Variants in TARS2 observed in about 807,000 individuals in gnomAD.
TARS2 encodes the protein threonine--tRNA ligase, mitochondrial.
TARS2 carries 61 observed loss-of-function variants against 94.4 expected under a neutral mutation model. The observed-to-expected ratio is 0.65, with a 90% CI of 0.53 to 0.80. TARS2 has a LOEUF of 0.80. Ranked by LOEUF, TARS2 falls within the 30% of genes least tolerant of loss-of-function variation. The pLI, the probability that TARS2 is intolerant of heterozygous loss-of-function variation, is 0.00. For synonymous variants in TARS2, 359 were observed against 353.4 expected, an observed-to-expected ratio of 1.02 and a Z score of -0.18; for missense variants, 704 against 902.5, an observed-to-expected ratio of 0.78 and a Z score of 2.82.
intron 14 of TARS2, 23 bp from the exon 15 acceptor site, chr1:150,504,609 A>ACCC (rs397690784): frequency 1.9e-6 from 3 of 1,582,890 alleles, no homozygotes; most frequent in Non-Finnish European, 2.6e-6. Flanking sequence ...CATTCCATCC[A>ACCC]CCCCCCCCTT....
At position 150,507,214 on chromosome 1, in the gene TARS2, G is replaced by A. The variant is rs930813108; in HGVS notation, c.*150G>A. On this transcript the variant is annotated 3_prime_UTR_variant, in exon 18 of 18. Transcript: ENST00000369064. ...CTCTCCTGAAAAGAGACTTGGTTTGGGGACCCCACAAAAGGAGGGAAGCTG... is the reference window on the plus strand; with the variant it reads ...CTCTCCTGAAAAGAGACTTGGTTTGAGGACCCCACAAAAGGAGGGAAGCTG... 18 of 1,081,274 alleles carry A rather than the reference G, an allele frequency of 1.7e-5. 1 individual carries two copies. The Admixed American group carries it at 4.9e-4, about 29-fold the overall frequency. 67.0% of individuals were successfully genotyped at this position (1,081,274 alleles called of 1,614,324 possible).
rs1004059524 is a variant in TARS2, at chr1:150,501,355, C to T, written c.1617+2062C>T. ...TTTATTGAGACTATGTCTCGCTCTG[C>T]TGCCCAGGCTGGAGTGCAGTGGCTC... On this transcript the variant is annotated intron_variant, in intron 13 of 17. Transcript: ENST00000369064. Among the ~76,000 whole-genome samples, 10 of 119,614 alleles carry T rather than the reference C, an allele frequency of 8.4e-5. 1 individual carries two copies. The highest frequency in any genetic ancestry group is 3.2e-4 in the African/African-American group (10 of 30,874). 78.5% of individuals were successfully genotyped at this position (119,614 alleles called of 152,430 possible). A position where few individuals can be genotyped will look rare whatever the true frequency, so the allele number is the denominator to read the frequency against.
At chr1:150,491,772 AGAAAT>A (rs1669396221) in intron 6 of TARS2, 110 bp downstream of exon 6, 3 of 1,201,742 alleles carry the variant, frequency 2.5e-6, no homozygotes, top group African/African-American at 3.1e-5. Context: ...CTCCAGAAAA[AGAAAT>A]GGGAATGGGA....
intron 12 of TARS2, 52 bp from the exon 13 acceptor site, chr1:150,499,164 T>C: frequency 1.2e-6 from 2 of 1,611,758 alleles, no homozygotes; most frequent in South Asian, 2.2e-5. Context: ...CCGGATGTGT[T>C]GCTTTTGAAG....
chr1:150,489,618 G>A (rs1349675932), intron 3 of TARS2, among the ~76,000 whole-genome samples: 1 of 152,124 alleles, frequency 6.6e-6, no homozygotes, highest in African/African-American at 2.4e-5. Context: ...AGACCAAACA[G>A]AGACCTAAGT....
rs183240493 is a variant in TARS2, at chr1:150,495,159, G to A, written c.775-1323G>A. On this transcript the variant is annotated intron_variant, in intron 7 of 17. Coordinates refer to ENST00000369064, the MANE Select transcript of TARS2 (RefSeq NM_025150.5). The stretch of plus-strand genomic sequence containing the variant: ...CACGCCACTGCACTCCAGCCTGGGC[G>A]ACAGCGAGACTCCGTCTCAAAAAAA... 4.3e-3 allele frequency among the ~76,000 whole-genome samples: 648 copies of A among 149,996 alleles called. 5 individuals are homozygous for A. Among genetic ancestry groups the A allele is most frequent in the African/African-American group, 0.015 (607 of 40,750 alleles).
rs779437609 is a variant in TARS2 at position 150,497,631 on chromosome 1, CAT to C, written c.1123_1124del (p.Met375ValfsTer9). ...GGCACTGGGAGCATTATCAGGAAGACATGTTTGCCGTGCAGCCCCCAGGCTCT... is the reference window on the plus strand; with the variant it reads ...GGCACTGGGAGCATTATCAGGAAGACGTTTGCCGTGCAGCCCCCAGGCTCT... ...SGHWEHYQED[M>X]FAVQPPGSDR... is the part of the protein sequence containing the mutation. On this transcript the variant is annotated frameshift_variant, in exon 10 of 18. Transcript: ENST00000369064. LOFTEE classifies it high-confidence loss of function. 1.2e-6 allele frequency: 2 copies of C among 1,614,170 alleles called. No homozygotes were observed. The highest frequency in any genetic ancestry group is 4.5e-5 in the East Asian group (2 of 44,884).
intron 7 of TARS2, 43 bp downstream of exon 7, chr1:150,492,532 C>A: frequency 6.2e-7 from 1 of 1,600,470 alleles, no homozygotes; most frequent in South Asian, 1.1e-5. Flanking sequence ...CTATTTTGAG[C>A]CGGGCATGGT....
chr1:150,487,813 GAAT>G (rs774879071), intron 1 of TARS2, 42 bp from the exon 2 acceptor site: 27 of 1,584,598 alleles, frequency 1.7e-5, no homozygotes, highest in African/African-American at 2.7e-5. Context: ...TTCTAAGAAA[GAAT>G]GATGGGACGT....
rs1560250612 is a variant in TARS2 at position 150,496,891 on chromosome 1, C to T, written c.1003C>T (p.Leu335=). Reference sequence around the variant, plus strand: ...ACGAGGGACAAGGGTGTATAATGCACTAGTGGCGTTTATCAGGGTAAGGGG... The same window carrying T: ...ACGAGGGACAAGGGTGTATAATGCATTAGTGGCGTTTATCAGGGTAAGGGG... ...LPRGTRVYNA[L]VAFIRAEYAH... is the part of the protein sequence containing the mutation. Residue 335 remains leucine, a synonymous_variant, in exon 9 of 18, where the codon CTA becomes TTA. Transcript: ENST00000369064. 1 of 1,613,996 alleles carries T rather than the reference C, an allele frequency of 6.2e-7. No homozygotes were observed. Among genetic ancestry groups the T allele is most frequent in the Non-Finnish European group, 8.5e-7 (1 of 1,180,000 alleles).
intron 3 of TARS2, 166 bp downstream of exon 3, chr1:150,489,253 A>G: frequency 1.0e-6 from 1 of 991,526 alleles, no homozygotes; most frequent in Non-Finnish European, 1.5e-6. Context: ...TTATGGTGAA[A>G]GTTTTTAACT....
At chr1:150,504,487 CCTT>C (rs1223179668) in intron 14 of TARS2, 52 bp downstream of exon 14, 1 of 1,597,742 alleles carries the variant, frequency 6.3e-7, no homozygotes, top group East Asian at 2.2e-5. Flanking sequence ...TGGAATAAGT[CCTT>C]CTGCCTTTGG....
intron 1 of TARS2, 68 bp from the exon 2 acceptor site, chr1:150,487,790 C>A: frequency 6.4e-7 from 1 of 1,561,326 alleles, no homozygotes; most frequent in Non-Finnish European, 8.7e-7. Flanking sequence ...TCCCAAAGTG[C>A]CATCATCTGC....
intron 3 of TARS2, among the ~76,000 whole-genome samples, chr1:150,489,921 G>A (rs587644472): frequency 2.6e-5 from 4 of 152,098 alleles, no homozygotes; most frequent in Admixed American, 1.3e-4. Flanking sequence ...TAGCCTGGGC[G>A]ACAGAGCGAG....
intron 16 of TARS2, 50 bp downstream of exon 16, chr1:150,505,028 C>A: frequency 2.5e-6 from 4 of 1,593,820 alleles, no homozygotes; most frequent in Non-Finnish European, 3.4e-6. Context: ...AGTAGAGAGT[C>A]TGGTGCCCTG....
Position 150,489,039 on chromosome 1 carries a change from A to C in TARS2, c.339A>C (p.Thr113=). 1.2e-6 allele frequency: 2 copies of C among 1,614,238 alleles called. No homozygotes were observed. Among genetic ancestry groups the C allele is most frequent in the Non-Finnish European group, 1.7e-6 (2 of 1,180,042 alleles). The change falls in exon 3 of 18, where the codon ACA becomes ACC. Residue 113 remains threonine (T), a synonymous_variant. Coordinates refer to ENST00000369064, the MANE Select transcript of TARS2 (RefSeq NM_025150.5). ...EPYDLERPLE[T]DSDLRFLTFD... is the part of the protein sequence containing the mutation. The stretch of plus-strand genomic sequence containing the variant: ...ATGATCTGGAGCGGCCCTTGGAGAC[A>C]GATTCTGACCTCAGATTTCTGACAT...
At chr1:150,505,826 G>A in intron 17 of TARS2, 121 bp downstream of exon 17, 2 of 898,518 alleles carry the variant, frequency 2.2e-6, no homozygotes, top group Non-Finnish European at 3.4e-6. Flanking sequence ...GCAGGTAGGA[G>A]CCAGGATTCA....
intron 17 of TARS2, among the ~76,000 whole-genome samples, chr1:150,506,288 G>C (rs1670197540): frequency 6.6e-6 from 1 of 151,990 alleles, no homozygotes; most frequent in African/African-American, 2.4e-5. Context: ...CGCCCAGTCA[G>C]CCCCTGCATA....
At chr1:150,506,705 G>C (rs1356617542) in intron 17 of TARS2, among the ~76,000 whole-genome samples, 1 of 151,816 alleles carries the variant, frequency 6.6e-6, no homozygotes, top group African/African-American at 2.4e-5. Context: ...GGCCTGCGGG[G>C]ACTGAAGCAC....
Sources: allele counts gnomAD v4.1 joint callset (sites outside exome capture counted in the v4.1 genomes callset), GRCh38; gene constraint gnomAD v4.1.1; transcripts MANE v1.5; gene names NCBI Gene and HGNC (gene_info 2026-07-23, HGNC 2026-07-21).